The following RAPGEF2 variants were observed in gnomAD, a reference collection of about 807,000 sequenced individuals.
RAPGEF2 encodes the protein PDZ domain containing guanine nucleotide exchange factor (GEF) 1.
RAPGEF2 carries 54 observed loss-of-function variants against 186.7 expected under a neutral mutation model. The observed-to-expected ratio is 0.29, with a 90% confidence interval of 0.23 to 0.36. The LOEUF is 0.36. RAPGEF2 is among the 10% of genes least tolerant of loss of function. The pLI, the probability that RAPGEF2 is intolerant of heterozygous loss-of-function variation, is 1.00. For missense variants in RAPGEF2, 1,532 were observed against 2,045.0 expected (o/e 0.75, Z 4.84); for synonymous variants, 712 against 705.9 (o/e 1.01, Z -0.14).
intron 1 of RAPGEF2, among the ~76,000 whole-genome samples, chr4:159,106,531 ATAT>A (rs1406409287): frequency 1.3e-5 from 2 of 152,234 alleles, no homozygotes; most frequent in Non-Finnish European, 2.9e-5. Context: ...GAATTTTATA[ATAT>A]TAGAAAAGCA....
chr4:159,348,503 T>C (rs1730721937), intron 25 of RAPGEF2, among the ~76,000 whole-genome samples: 2 of 152,142 alleles, frequency 1.3e-5, no homozygotes, highest in Non-Finnish European at 2.9e-5. Flanking sequence ...AGAACACCTT[T>C]CCTAGGTACA....
At chr4:159,281,671 C>T (rs912138419) in intron 7 of RAPGEF2, among the ~76,000 whole-genome samples, 1 of 85,194 alleles carries the variant, frequency 1.2e-5, no homozygotes, top group Admixed American at 1.2e-4. Flanking sequence ...AACTTGATTT[C>T]AAAAAAAAAA....
chr4:159,237,842 TAA>T (rs58593781), intron 4 of RAPGEF2, among the ~76,000 whole-genome samples: 1,089 of 66,766 alleles, frequency 0.016, 18 homozygotes, highest in African/African-American at 0.054. Flanking sequence ...CTACAAAAAT[TAA>T]AAAAAAAAAA....
intron 8 of RAPGEF2, among the ~76,000 whole-genome samples, chr4:159,307,729 T>G (rs1763470282): frequency 6.6e-6 from 1 of 152,176 alleles, no homozygotes; most frequent in African/African-American, 2.4e-5. Context: ...CCCAGCATTT[T>G]GGGGGGCCAA....
chr4:159,159,922 T>A (rs967948293), intron 1 of RAPGEF2, among the ~76,000 whole-genome samples: 1 of 152,218 alleles, frequency 6.6e-6, no homozygotes, highest in Non-Finnish European at 1.5e-5. Flanking sequence ...TTGAGCCAAT[T>A]ATAACACAGG....
intron 7 of RAPGEF2, among the ~76,000 whole-genome samples, chr4:159,293,756 C>T (rs771014580): frequency 2.6e-5 from 4 of 152,210 alleles, no homozygotes; most frequent in African/African-American, 9.6e-5. Context: ...CAAATTCCTT[C>T]TAGATAGTGG....
intron 24 of RAPGEF2, 130 bp downstream of exon 24, chr4:159,345,459 C>T (rs948261995): frequency 3.9e-6 from 3 of 761,928 alleles, no homozygotes; most frequent in Non-Finnish European, 6.3e-6. Flanking sequence ...ATATACTAGT[C>T]TTTTCCTTGA....
chr4:159,240,145 T>C (rs1753786718), intron 5 of RAPGEF2, among the ~76,000 whole-genome samples: 1 of 152,134 alleles, frequency 6.6e-6, no homozygotes, highest in South Asian at 2.1e-4. Context: ...AATGCTACTT[T>C]TAGATTTCTC....
chr4:159,267,939 A>G, intron 7 of RAPGEF2: 1 of 1,316,444 alleles, frequency 7.6e-7, no homozygotes, highest in Non-Finnish European at 9.7e-7. Context: ...TGTTATAAAA[A>G]TGGAGACGAA....
At chr4:159,131,519 A>AT (rs35670450) in intron 1 of RAPGEF2, among the ~76,000 whole-genome samples, 1,566 of 37,100 alleles carry the variant, frequency 0.042, 90 homozygotes, top group Non-Finnish European at 0.056. Context: ...ATTAATTGCT[A>AT]TTTTTTTTTT....
chr4:159,309,286 G>C (rs1175199005), intron 8 of RAPGEF2, among the ~76,000 whole-genome samples: 2 of 151,986 alleles, frequency 1.3e-5, no homozygotes, highest in Non-Finnish European at 2.9e-5. Context: ...TTCCTTTCCT[G>C]CCTAATCTTT....
intron 3 of RAPGEF2, among the ~76,000 whole-genome samples, chr4:159,197,862 T>C (rs1324787026): frequency 6.6e-6 from 1 of 152,238 alleles, no homozygotes; most frequent in African/African-American, 2.4e-5. Flanking sequence ...TATCTGTATC[T>C]GCATTTACCT....
intron 1 of RAPGEF2, among the ~76,000 whole-genome samples, chr4:159,114,119 A>AGTT (rs1185863499): frequency 1.5e-5 from 2 of 136,880 alleles, no homozygotes; most frequent in Non-Finnish European, 1.6e-5. Flanking sequence ...TACCTGGCTA[A>AGTT]TTTTTTTTTT....
intron 28 of RAPGEF2, 78 bp from the exon 29 acceptor site, chr4:159,355,775 A>T: frequency 7.8e-7 from 1 of 1,278,820 alleles, no homozygotes; most frequent in Non-Finnish European, 1.1e-6. Flanking sequence ...ATGCTGTTTT[A>T]GTAATTATTT....
intron 7 of RAPGEF2, 76 bp from the exon 8 acceptor site, chr4:159,304,266 A>G: frequency 7.4e-7 from 1 of 1,347,170 alleles, no homozygotes; most frequent in Non-Finnish European, 1.0e-6. Flanking sequence ...ATAAAATATG[A>G]TATTTTAATT....
chr4:159,330,145 T>A, intron 12 of RAPGEF2, 135 bp downstream of exon 12: 1 of 931,320 alleles, frequency 1.1e-6, no homozygotes, highest in South Asian at 1.8e-5. Flanking sequence ...TTATGTATGA[T>A]CTCCTAGTGA....
chr4:159,179,740 G>T (rs757774897), intron 1 of RAPGEF2, among the ~76,000 whole-genome samples: 6 of 152,174 alleles, frequency 3.9e-5, no homozygotes, highest in Non-Finnish European at 7.3e-5. Flanking sequence ...GGAAAGGAGT[G>T]GGGGTAGCTC....
intron 1 of RAPGEF2, among the ~76,000 whole-genome samples, chr4:159,104,553 A>ACAGAGAGAGAGAGAGAGT (rs1737648633): frequency 7.3e-5 from 10 of 136,110 alleles, no homozygotes; most frequent in African/African-American, 2.9e-4. Flanking sequence ...AGAGAGAGAG[A>ACAGAGAGAGAGAGAGAGT]GTGTGTGTGT....
At chr4:159,208,966 C>G (rs1750234447) in intron 3 of RAPGEF2, among the ~76,000 whole-genome samples, 1 of 151,964 alleles carries the variant, frequency 6.6e-6, no homozygotes, top group Admixed American at 6.6e-5. Context: ...TCTCAGCTCA[C>G]TACAACCTCC....
Sources: allele counts gnomAD v4.1 joint callset (sites outside exome capture counted in the v4.1 genomes callset), GRCh38; gene constraint gnomAD v4.1.1; transcripts MANE v1.5; gene names NCBI Gene and HGNC (gene_info 2026-07-23, HGNC 2026-07-21).